The following KLK9 variants were observed in gnomAD, a reference collection of about 807,000 sequenced individuals.
KLK9 encodes kallikrein-9.
A neutral mutation model predicts 23.3 loss-of-function variants in KLK9; 26 were observed. The observed-to-expected ratio is 1.12, with a 90% CI of 0.82 to 1.55. The LOEUF (loss-of-function observed/expected upper bound fraction) is 1.55. Among genes scored for constraint, KLK9 ranks in the 40% most tolerant of loss-of-function variants. The pLI is 0.00. For synonymous variants in KLK9, 122 were observed against 128.5 expected, an observed-to-expected ratio of 0.95 and a Z score of 0.34; for missense variants, 346 against 333.7, an observed-to-expected ratio of 1.04 and a Z score of -0.29.
At position 51,003,032 on chromosome 19, in the gene KLK9, C is replaced by T. The variant is rs1790407763; in HGVS notation, c.*79G>A. The T allele has an allele frequency of 2.7e-6, 4 of 1,505,514 alleles. No individual in the cohort carries two copies. Among genetic ancestry groups the T allele is most frequent in the Admixed American group, 3.8e-5 (2 of 52,942 alleles). 93.3% of individuals were successfully genotyped at this position (1,505,514 alleles called of 1,614,324 possible). A position where few individuals can be genotyped will look rare whatever the true frequency, so the allele number is the denominator to read the frequency against. ...AGGTCCAGGGCGGGAACCATTGAGG[C>T]TGGGACCCTACGAGAACCCCCTACC... On this transcript the variant is annotated 3_prime_UTR_variant, in exon 5 of 5. Transcript: ENST00000594211.
At position 51,006,369 on chromosome 19, in the gene KLK9, G is replaced by T; in HGVS notation, c.466+89C>A. On this transcript the variant is annotated intron_variant, in intron 3 of 4. Transcript: ENST00000594211. This position sits in a 1 kb window ranked among gnomAD's most constrained non-coding sequence, Gnocchi z 4.1. Reference sequence around the variant, plus strand: ...TAGATAGACTGACAGAGAGAGAGAGGAGAGAGAAAAGGAGAAGACAGAGAT... The same window carrying T: ...TAGATAGACTGACAGAGAGAGAGAGTAGAGAGAAAAGGAGAAGACAGAGAT... The T allele has an allele frequency of 2.4e-6, 3 of 1,234,026 alleles. No homozygotes were observed. Among genetic ancestry groups the T allele is most frequent in the Non-Finnish European group, 3.3e-6 (3 of 903,410 alleles). 76.4% of individuals were successfully genotyped at this position (1,234,026 alleles called of 1,614,324 possible). A position where few individuals can be genotyped will look rare whatever the true frequency, so the allele number is the denominator to read the frequency against.
chr19:51,009,413 C>T lies in KLK9; in HGVS notation c.44-74G>A. 6.5e-7 allele frequency: 1 copy of T among 1,549,878 alleles called. No individual in the cohort carries two copies. The highest frequency in any genetic ancestry group is 8.7e-7 in the Non-Finnish European group (1 of 1,146,714). On this transcript the variant is annotated intron_variant, in intron 1 of 4. Coordinates refer to ENST00000594211, the MANE Select transcript of KLK9 (RefSeq NM_012315.2). The surrounding 1 kb of genome is among the most constrained non-coding windows in gnomAD (Gnocchi z 4.8). ...GGGCAGGGAGAGGATGCTGAGAAGC[C>T]TAGAGGGCAGGAGGCAGAAGCCTGG... is the stretch of plus-strand genomic sequence containing the variant.
rs746080624 is a variant in KLK9 at position 51,009,252 on chromosome 19, G to C, written c.131C>G (p.Thr44Ser). Residue 44 changes from threonine (T) to serine (S), a missense_variant, in exon 2 of 5, where the codon ACT becomes AGT. By Grantham distance (58) the Thr-to-Ser change is moderately conservative. Transcript: ENST00000594211. The surrounding 1 kb of genome is among the most constrained non-coding windows in gnomAD (Gnocchi z 4.8). ...QPWQAGLFHL[T>S]RLFCGATLIS... ...GAGGGTCGCCCCACAGAAGAGCCGA[G>C]TAAGGTGGAAGAGGCCGGCCTGCCA... 6.2e-7 allele frequency: 1 copy of C among 1,610,358 alleles called. No homozygotes were observed. Among genetic ancestry groups the C allele is most frequent in the Admixed American group, 1.7e-5 (1 of 59,644 alleles).
chr19:51,002,954 G>T lies in KLK9; in HGVS notation c.*157C>A. 1 of 876,494 alleles carries T rather than the reference G, an allele frequency of 1.1e-6. No individual in the cohort carries two copies. The highest frequency in any genetic ancestry group is 1.7e-6 in the Non-Finnish European group (1 of 583,856). 54.3% of individuals were successfully genotyped at this position (876,494 alleles called of 1,614,324 possible). ...GTGTCTTGCTTGACCTCGTGAGGGG[G>T]CGGAGCCTCAGGGGCGGAGTCTTAG... is the stretch of plus-strand genomic sequence containing the variant. On this transcript the variant is annotated 3_prime_UTR_variant, in exon 5 of 5. Transcript: ENST00000594211.
intron 2 of KLK9, among the ~76,000 whole-genome samples, chr19:51,007,398 T>C (rs1293293259): frequency 1.3e-5 from 2 of 151,862 alleles, no homozygotes; most frequent in Non-Finnish European, 2.9e-5. Context: ...GCCTCTGACC[T>C]CTGACATTAG....
Position 51,003,890 on chromosome 19 carries a change from C to G in KLK9, c.467-50G>C, listed in dbSNP as rs373749584. On this transcript the variant is annotated intron_variant, in intron 3 of 4. Coordinates refer to ENST00000594211, the MANE Select transcript of KLK9 (RefSeq NM_012315.2). ...GATCTGCAACTGTCTCCAACACACT[C>G]AGCACCCCACTGCCCTGAGTCCTCC... is the stretch of plus-strand genomic sequence containing the variant. 9.0e-6 allele frequency: 14 copies of G among 1,550,850 alleles called. 1 individual carries two copies. The Admixed American group carries it at 1.7e-4, about 19-fold the overall frequency.
At chr19:51,005,933 G>GATAATAATAATAATA (rs144461714) in intron 3 of KLK9, among the ~76,000 whole-genome samples, 1 of 148,992 alleles carries the variant, frequency 6.7e-6, no homozygotes, top group African/African-American at 2.5e-5. Flanking sequence ...CAAAAAAAAA[G>GATAATAATAATAATA]ATAATAATAA....
Position 51,009,316 on chromosome 19 carries a change from C to T in KLK9, c.67G>A (p.Ala23Thr), listed in dbSNP as rs2091267424. ...GGGCGACATTCCTCGGCCCCGATGG[C>T]ACGGGTGTCTGCCCAGCCATGCCCT... ...LAGHGWADTR[A>T]IGAEECRPNS... The change falls in exon 2 of 5, where the codon GCC becomes ACC. Residue 23 changes from alanine to threonine, a missense_variant. Ala to Thr is a moderately conservative substitution (Grantham distance 58). Transcript: ENST00000594211. This position sits in a 1 kb window ranked among gnomAD's most constrained non-coding sequence, Gnocchi z 4.8. 1 of 1,590,644 alleles carries T rather than the reference C, an allele frequency of 6.3e-7. No homozygotes were observed.
At chr19:51,008,231 A>C (rs929158958) in intron 2 of KLK9, among the ~76,000 whole-genome samples, 4 of 149,080 alleles carry the variant, frequency 2.7e-5, no homozygotes, top group African/African-American at 9.9e-5. Context: ...CCAGCTACTC[A>C]GGAGGCTGAG....
At position 51,003,123 on chromosome 19, in the gene KLK9, G is replaced by T. The variant is rs763914164; in HGVS notation, c.741C>A (p.Ile247=). The change falls in exon 5 of 5, where the codon ATC becomes ATA. Residue 247 remains isoleucine (I), a synonymous_variant. Transcript: ENST00000594211. ...GTGGCGCGCGGGCTCAGTTCTCCAT[G>T]ATTTCTTGGATCCAGTCAAGGTAGT... ...VCHYLDWIQE[I]MEN 1 of 1,609,474 alleles carries T rather than the reference G, an allele frequency of 6.2e-7. No individual in the cohort carries two copies. The highest frequency in any genetic ancestry group is 1.7e-5 in the Admixed American group (1 of 59,882).
At position 51,003,202 on chromosome 19, in the gene KLK9, C is replaced by T. The variant is rs1227903338; in HGVS notation, c.662G>A (p.Gly221Asp). ...NGTLAGVVSG[G>D]AEPCSRPRRP... The stretch of plus-strand genomic sequence containing the variant: ...CCGGGGTCTGGAGCAGGGCTCAGCA[C>T]CCCCAGACACCACGCCTGCCAAGGT... The change falls in exon 5 of 5, where the codon GGT (glycine) becomes GAT (aspartate). Residue 221 changes from glycine to aspartate, a missense_variant. Coordinates refer to ENST00000594211, the MANE Select transcript of KLK9 (RefSeq NM_012315.2). 6.2e-7 allele frequency: 1 copy of T among 1,613,104 alleles called. No individual in the cohort carries two copies. Among genetic ancestry groups the T allele is most frequent in the South Asian group, 1.1e-5 (1 of 90,986 alleles).
chr19:51,005,282 T>C (rs1392306635), intron 3 of KLK9, among the ~76,000 whole-genome samples: 1 of 152,190 alleles, frequency 6.6e-6, no homozygotes, highest in East Asian at 1.9e-4. Context: ...CATTTAAACA[T>C]CTCTGGGCCA....
At chr19:51,007,099 C>T (rs1199345132) in intron 2 of KLK9, among the ~76,000 whole-genome samples, 5 of 151,860 alleles carry the variant, frequency 3.3e-5, no homozygotes, top group African/African-American at 9.7e-5. Flanking sequence ...ACCGCCCCAC[C>T]CCTGCCCCCA....
intron 2 of KLK9, among the ~76,000 whole-genome samples, chr19:51,007,501 C>G (rs1274000677): frequency 6.6e-6 from 1 of 151,884 alleles, no homozygotes; most frequent in Non-Finnish European, 1.5e-5. Flanking sequence ...GGCTCTGGAT[C>G]TGGAAAAGTA....
In KLK9 at chr19:51,003,228, T is replaced by C; in HGVS notation, c.636A>G (p.Gly212=). 6.2e-7 allele frequency: 1 copy of C among 1,612,884 alleles called. No individual in the cohort carries two copies. Among genetic ancestry groups the C allele is most frequent in the Non-Finnish European group, 8.5e-7 (1 of 1,179,592 alleles). Residue 212 remains glycine (G), a synonymous_variant, in exon 5 of 5, where the codon GGA becomes GGG. Coordinates refer to ENST00000594211, the MANE Select transcript of KLK9 (RefSeq NM_012315.2). ...GDSGGPLVCN[G]TLAGVVSGGA... The stretch of plus-strand genomic sequence containing the variant: ...CCCCAGACACCACGCCTGCCAAGGT[T>C]CCATTGCAAACCAGGGGGCCCCCAG...
In KLK9 at chr19:51,006,709, C is replaced by T. The variant is rs780555293; in HGVS notation, c.215G>A (p.Arg72His). 17 of 1,590,028 alleles carry T rather than the reference C, an allele frequency of 1.1e-5. 1 individual carries two copies. Among genetic ancestry groups the T allele is most frequent in the Admixed American group, 8.6e-5 (5 of 58,302 alleles). The change falls in exon 3 of 5, where the codon CGC (arginine) becomes CAC (histidine). Residue 72 changes from arginine to histidine, a missense_variant. Transcript: ENST00000594211. The surrounding 1 kb of genome is among the most constrained non-coding windows in gnomAD (Gnocchi z 4.1). ...TTTCCAGAGGTGGTGCTCTCCAAGG[C>T]GGACCCACAGATACCTGCTGGGACA... ...AHCRKPYLWV[R>H]LGEHHLWKWE... is the part of the protein sequence containing the mutation.
At chr19:51,008,627 A>G (rs996567231) in intron 2 of KLK9, among the ~76,000 whole-genome samples, 21 of 152,344 alleles carry the variant, frequency 1.4e-4, no homozygotes, top group African/African-American at 5.1e-4. Context: ...TGTAAAATAC[A>G]GAACAGATTT....
In KLK9 at chr19:51,002,907, T is replaced by A. The variant is rs1217351452; in HGVS notation, c.*204A>T. 5.1e-6 allele frequency: 3 copies of A among 592,234 alleles called. No homozygotes were observed. In the African/African-American group the frequency reaches 5.6e-5, roughly 11 times the overall value. 36.7% of individuals were successfully genotyped at this position (592,234 alleles called of 1,614,324 possible). A position where few individuals can be genotyped will look rare whatever the true frequency, so the allele number is the denominator to read the frequency against. On this transcript the variant is annotated 3_prime_UTR_variant, in exon 5 of 5. Transcript: ENST00000594211. ...CGGGCTCTGAAGGGCGTGTCCCTGC[T>A]CCGTTCCGAGGGGGCGCGACTGTGT...
In KLK9 at chr19:51,009,190, G is replaced by C. The variant is rs118001778; in HGVS notation, c.193C>G (p.Arg65Gly). Residue 65 changes from arginine to glycine, a missense_variant, in exon 2 of 5, where the codon CGC becomes GGC. Arg to Gly is a moderately radical substitution (Grantham distance 125). Transcript: ENST00000594211. The surrounding 1 kb of genome is among the most constrained non-coding windows in gnomAD (Gnocchi z 4.8). Reference protein sequence around the residue: ...DRWLLTAAHCRKPYLWVRLGE... With the variant: ...DRWLLTAAHCGKPYLWVRLGE... ...CCAGCCTGGGTCACTCACGGCTTGC[G>C]GCAGTGGGCAGCTGTGAGCAGCCAG... is the stretch of plus-strand genomic sequence containing the variant. 23 of 1,606,292 alleles carry C rather than the reference G, an allele frequency of 1.4e-5. No homozygotes were observed. In the South Asian group the frequency reaches 2.4e-4, roughly 17 times the overall value.
Sources: allele counts gnomAD v4.1 joint callset (sites outside exome capture counted in the v4.1 genomes callset), GRCh38; gene constraint gnomAD v4.1.1; non-coding constraint Gnocchi (gnomAD v3.1); transcripts MANE v1.5; gene names NCBI Gene and HGNC (gene_info 2026-07-23, HGNC 2026-07-21).